Variants in PRR16 observed in about 807,000 individuals in gnomAD.
PRR16 encodes protein Largen.
A neutral mutation model predicts 18.2 loss-of-function variants in PRR16; 6 were observed. That is an observed-to-expected ratio of 0.33 (90% CI 0.18 to 0.65). PRR16 has a LOEUF of 0.65. PRR16 is among the 30% of genes least tolerant of loss of function. The pLI is 0.74. For synonymous variants in PRR16, 151 were observed against 147.8 expected (o/e 1.02, Z -0.16); for missense variants, 412 against 376.6 (o/e 1.09, Z -0.78).
chr5:120,562,896 T>G (rs1319763966), intron 1 of PRR16, among the ~76,000 whole-genome samples: 2 of 152,178 alleles, frequency 1.3e-5, no homozygotes, highest in African/African-American at 4.8e-5. Flanking sequence ...GTCTTTCTAT[T>G]TAAGAGTAGG....
At chr5:120,744,747 C>A in the PRR16 span, among the ~76,000 whole-genome samples, 2 of 152,114 alleles carry the variant, frequency 1.3e-5, no homozygotes, top group Non-Finnish European at 2.9e-5. Flanking sequence ...GTCATAAATA[C>A]TTTCTTTTCC....
chr5:120,540,680 C>G lies in PRR16; in HGVS notation c.159+76035C>G, dbSNP rs189303919. On this transcript the variant is annotated intron_variant, in intron 1 of 1. Coordinates refer to ENST00000407149, the MANE Select transcript of PRR16 (RefSeq NM_001300783.2). ...TGCCTAGTGTTCCATTATTGGAACG[C>G]TAAGCATCTGGGAGTTATTTATATC... is the stretch of plus-strand genomic sequence containing the variant. 9.9e-5 allele frequency among the ~76,000 whole-genome samples: 15 copies of G among 152,230 alleles called. No individual in the cohort carries two copies. The East Asian group carries it at 2.3e-3, about 24-fold the overall frequency.
At chr5:120,543,520 C>G (rs1751981018) in intron 1 of PRR16, among the ~76,000 whole-genome samples, 1 of 152,124 alleles carries the variant, frequency 6.6e-6, no homozygotes. Context: ...AGTAATTAAT[C>G]TATACCAGTA....
At chr5:120,492,511 G>T (rs1044196374) in intron 1 of PRR16, among the ~76,000 whole-genome samples, 1 of 152,044 alleles carries the variant, frequency 6.6e-6, no homozygotes, top group African/African-American at 2.4e-5. Flanking sequence ...TAGTTTAAAA[G>T]CCATATTGAT....
At chr5:120,613,718 CT>C (rs1432399780) in intron 1 of PRR16, among the ~76,000 whole-genome samples, 6 of 152,104 alleles carry the variant, frequency 3.9e-5, no homozygotes, top group Non-Finnish European at 8.8e-5. Flanking sequence ...CTTTAAGGCA[CT>C]AACACATCGT....
intron 1 of PRR16, among the ~76,000 whole-genome samples, chr5:120,508,580 G>A (rs572814165): frequency 2.0e-5 from 3 of 152,186 alleles, no homozygotes; most frequent in African/African-American, 7.2e-5. Context: ...GAACAATGGT[G>A]TTAGCCCCTC....
chr5:120,666,465 A>G (rs1278391253), intron 1 of PRR16, among the ~76,000 whole-genome samples: 6 of 150,784 alleles, frequency 4.0e-5, no homozygotes, highest in South Asian at 2.1e-4. Flanking sequence ...TCTCCTGCCT[A>G]ATTGCCCTGG....
the PRR16 span, among the ~76,000 whole-genome samples, chr5:120,729,073 A>T: frequency 6.6e-6 from 1 of 152,076 alleles, no homozygotes; most frequent in African/African-American, 2.4e-5. Context: ...TTGCTGATTC[A>T]CTGCTCATGA....
chr5:120,600,502 C>G (rs1335974185), intron 1 of PRR16, among the ~76,000 whole-genome samples: 4 of 151,864 alleles, frequency 2.6e-5, no homozygotes, highest in Non-Finnish European at 4.4e-5. Flanking sequence ...TAAGAGGTAG[C>G]AGGGCTAAGA....
the PRR16 span, among the ~76,000 whole-genome samples, chr5:120,736,710 A>G: frequency 2.8e-4 from 42 of 152,028 alleles, no homozygotes; most frequent in African/African-American, 8.9e-4. Flanking sequence ...AAGTCTTTCA[A>G]TCATCTCATG....
chr5:120,617,623 T>G (rs1240875517), intron 1 of PRR16, among the ~76,000 whole-genome samples: 1 of 152,160 alleles, frequency 6.6e-6, no homozygotes, highest in Non-Finnish European at 1.5e-5. Flanking sequence ...CAGTTTACAT[T>G]TTGATAAGTT....
At chr5:120,494,315 A>G (rs1380584976) in intron 1 of PRR16, among the ~76,000 whole-genome samples, 2 of 152,032 alleles carry the variant, frequency 1.3e-5, no homozygotes, top group African/African-American at 4.8e-5. Context: ...TATATGCTGT[A>G]CACATAGCGT....
At chr5:120,494,426 T>A (rs1286806092) in intron 1 of PRR16, among the ~76,000 whole-genome samples, 1 of 152,088 alleles carries the variant, frequency 6.6e-6, no homozygotes, top group African/African-American at 2.4e-5. Context: ...TCTTCTTGCC[T>A]TGTCTGTTAT....
chr5:120,513,257 C>G (rs1273971610), intron 1 of PRR16, among the ~76,000 whole-genome samples: 1 of 152,156 alleles, frequency 6.6e-6, no homozygotes, highest in Non-Finnish European at 1.5e-5. Context: ...TACTAGGGGA[C>G]TGGTACTTGC....
At chr5:120,492,156 T>G (rs1484340257) in intron 1 of PRR16, among the ~76,000 whole-genome samples, 1 of 137,226 alleles carries the variant, frequency 7.3e-6, no homozygotes, top group Admixed American at 7.7e-5. Flanking sequence ...AGAATAAGGA[T>G]CCACCGCAGC....
intron 1 of PRR16, among the ~76,000 whole-genome samples, chr5:120,654,567 T>G (rs1326894834): frequency 6.6e-6 from 1 of 151,880 alleles, no homozygotes; most frequent in Non-Finnish European, 1.5e-5. Flanking sequence ...AATCTCAAAT[T>G]ATCTTCCATC....
intron 1 of PRR16, among the ~76,000 whole-genome samples, chr5:120,600,666 C>T (rs1338234244): frequency 6.6e-6 from 1 of 151,868 alleles, no homozygotes; most frequent in African/African-American, 2.4e-5. Flanking sequence ...CAAATTATTT[C>T]ATCACCCGGA....
At chr5:120,776,074 T>C in the PRR16 span, among the ~76,000 whole-genome samples, 2 of 152,058 alleles carry the variant, frequency 1.3e-5, no homozygotes, top group South Asian at 4.1e-4. Flanking sequence ...AGGTCTAAGC[T>C]CCCTCTGGGG....
At chr5:120,548,165 A>G (rs1463720478) in intron 1 of PRR16, among the ~76,000 whole-genome samples, 1 of 152,110 alleles carries the variant, frequency 6.6e-6, no homozygotes, top group East Asian at 1.9e-4. Flanking sequence ...TAGATAGATC[A>G]GACATGATTT....
Sources: gnomAD v4.1 joint callset for allele counts (sites outside exome capture counted in the v4.1 genomes callset) on GRCh38, gnomAD v4.1.1 for gene constraint, MANE v1.5 for transcripts, NCBI Gene and HGNC (gene_info 2026-07-23, HGNC 2026-07-21) for gene names.